DCDC1: variants seen among roughly 807,000 people sequenced by gnomAD.
DCDC1 encodes the protein doublecortin domain-containing protein 1.
A neutral mutation model predicts 178.3 loss-of-function variants in DCDC1; 200 were observed. That is an observed-to-expected ratio of 1.12 (90% CI 1.00 to 1.26). The LOEUF (loss-of-function observed/expected upper bound fraction) is 1.26, where lower values mean the gene tolerates loss of function less well. Among genes scored for constraint, DCDC1 ranks in the 50% most tolerant of loss-of-function variants. The pLI is 0.00. For synonymous variants in DCDC1, 690 were observed against 604.8 expected, an observed-to-expected ratio of 1.14 and a Z score of -2.07; for missense variants, 1,983 against 1,749.2, an observed-to-expected ratio of 1.13 and a Z score of -2.38.
At chr11:30,982,489 G>T (rs571317772) in intron 20 of DCDC1, among the ~76,000 whole-genome samples, 40 of 151,990 alleles carry the variant, frequency 2.6e-4, no homozygotes, top group African/African-American at 9.6e-4. Context: ...TAGCATTAAA[G>T]ACCAAAGGAG....
chr11:31,348,209 A>G (rs913411484), intron 1 of DCDC1, among the ~76,000 whole-genome samples: 1 of 152,204 alleles, frequency 6.6e-6, no homozygotes, highest in African/African-American at 2.4e-5. Flanking sequence ...TACAAATTTC[A>G]TCATCTCATT....
At chr11:30,872,306 A>C (rs1188975697) in intron 38 of DCDC1, among the ~76,000 whole-genome samples, 1 of 152,160 alleles carries the variant, frequency 6.6e-6, no homozygotes, top group African/African-American at 2.4e-5. Context: ...AAGTACTTGA[A>C]ATACAGCTAG....
chr11:31,346,214 A>C (rs1950802308), intron 1 of DCDC1, among the ~76,000 whole-genome samples: 1 of 152,030 alleles, frequency 6.6e-6, no homozygotes. Context: ...ACAAATGAAG[A>C]GACTCAAGAA....
rs372494668 is a variant in DCDC1 at position 31,303,031 on chromosome 11, G to A, written c.754+2584C>T. 2.8e-4 allele frequency among the ~76,000 whole-genome samples: 42 copies of A among 152,262 alleles called. 1 individual carries two copies. In the South Asian group the frequency reaches 7.9e-3, roughly 29 times the overall value. ...TTCATAACTTATCTACTCAGTTTAAGTTCCTTAAAGGCCAGGACTTCTATC... is the reference window on the plus strand; with the variant it reads ...TTCATAACTTATCTACTCAGTTTAAATTCCTTAAAGGCCAGGACTTCTATC... On this transcript the variant is annotated intron_variant, in intron 6 of 38. Transcript: ENST00000684477.
intron 5 of DCDC1, 84 bp from the exon 6 acceptor site, chr11:31,305,861 C>A (rs1408779999): frequency 1.4e-5 from 20 of 1,462,014 alleles, no homozygotes; most frequent in South Asian, 2.8e-5. Flanking sequence ...TTCTAATGAT[C>A]AAAATAGAAA....
intron 20 of DCDC1, among the ~76,000 whole-genome samples, chr11:30,977,159 T>C (rs1043761368): frequency 6.6e-6 from 1 of 151,318 alleles, no homozygotes; most frequent in Admixed American, 6.6e-5. Flanking sequence ...AGCAGAATGA[T>C]ACCAGAGACT....
intron 20 of DCDC1, among the ~76,000 whole-genome samples, chr11:30,988,924 A>T (rs1253201273): frequency 1.3e-5 from 2 of 152,090 alleles, no homozygotes; most frequent in African/African-American, 4.8e-5. Context: ...AATTCCAGTA[A>T]CACCTCCAGA....
intron 9 of DCDC1, among the ~76,000 whole-genome samples, chr11:31,240,181 T>A (rs1976941844): frequency 6.6e-6 from 1 of 152,008 alleles, no homozygotes; most frequent in African/African-American, 2.4e-5. Context: ...TTTTATAATA[T>A]CATGATATCT....
chr11:31,123,604 G>C (rs1195209114), intron 11 of DCDC1, among the ~76,000 whole-genome samples: 1 of 151,818 alleles, frequency 6.6e-6, no homozygotes, highest in Admixed American at 6.6e-5. Flanking sequence ...TTCTAAGCCT[G>C]AGAATGGGGC....
At chr11:31,229,396 T>A (rs536529331) in intron 9 of DCDC1, among the ~76,000 whole-genome samples, 100 of 152,226 alleles carry the variant, frequency 6.6e-4, no homozygotes, top group African/African-American at 2.3e-3. Flanking sequence ...AGGAGGATAA[T>A]ACATAATATA....
intron 20 of DCDC1, among the ~76,000 whole-genome samples, chr11:31,010,960 A>G (rs1565180116): frequency 6.6e-6 from 1 of 152,142 alleles, no homozygotes; most frequent in Non-Finnish European, 1.5e-5. Flanking sequence ...TGTTTGTTAT[A>G]TTTTTTAAAA....
chr11:31,287,906 G>GT (rs561445377), intron 7 of DCDC1, among the ~76,000 whole-genome samples: 3,571 of 135,882 alleles, frequency 0.026, 109 homozygotes, highest in African/African-American at 0.08. Flanking sequence ...AGAGGACAGC[G>GT]TTTTTTTTTT....
chr11:30,890,115 A>T (rs2134036776), intron 36 of DCDC1, among the ~76,000 whole-genome samples: 1 of 152,194 alleles, frequency 6.6e-6, no homozygotes, highest in East Asian at 1.9e-4. Context: ...ACCAGAAACC[A>T]ACCCAGCTGG....
chr11:31,113,164 A>G (rs562263528), intron 11 of DCDC1, among the ~76,000 whole-genome samples: 1 of 152,212 alleles, frequency 6.6e-6, no homozygotes, highest in Non-Finnish European at 1.5e-5. Context: ...AAAAGCTGAC[A>G]CGTAGCAAAA....
At chr11:31,066,020 A>T (rs879641275) in intron 18 of DCDC1, among the ~76,000 whole-genome samples, 6 of 152,060 alleles carry the variant, frequency 3.9e-5, no homozygotes, top group Non-Finnish European at 7.4e-5. Flanking sequence ...AAAGGGGGGG[A>T]TATATAAATA....
chr11:31,266,975 T>C lies in DCDC1; in HGVS notation c.961-1375A>G, dbSNP rs78072601. 4.9e-3 allele frequency among the ~76,000 whole-genome samples: 754 copies of C among 152,332 alleles called. 8 individuals carry two copies. The highest frequency in any genetic ancestry group is 0.017 in the African/African-American group (717 of 41,580). ...ACAAATTGGTCTTTCTTGGGCTGTA[T>C]GTACCAGAGGTTCTCAGCCTTTATT... On this transcript the variant is annotated intron_variant, in intron 7 of 38. Coordinates refer to ENST00000684477, the MANE Select transcript of DCDC1 (RefSeq NM_001387274.1).
intron 20 of DCDC1, among the ~76,000 whole-genome samples, chr11:30,997,438 T>A (rs1018368609): frequency 6.6e-5 from 10 of 151,910 alleles, no homozygotes; most frequent in African/African-American, 2.2e-4. Context: ...ATAACCTCAC[T>A]GAAGGGGTAA....
chr11:31,071,181 A>C (rs1283238145), intron 18 of DCDC1, among the ~76,000 whole-genome samples: 41 of 152,202 alleles, frequency 2.7e-4, no homozygotes, highest in Admixed American at 2.7e-3. Flanking sequence ...TAACAACATT[A>C]CAATTTTTCT....
chr11:31,048,869 A>T (rs774647339), intron 20 of DCDC1, among the ~76,000 whole-genome samples: 1 of 152,048 alleles, frequency 6.6e-6, no homozygotes, highest in African/African-American at 2.4e-5. Context: ...AAAAAAAAGG[A>T]CTGTCAATTA....
Sources: gnomAD v4.1 joint callset for allele counts (sites outside exome capture counted in the v4.1 genomes callset) on GRCh38, gnomAD v4.1.1 for gene constraint, MANE v1.5 for transcripts, NCBI Gene and HGNC (gene_info 2026-07-23, HGNC 2026-07-21) for gene names.